The following DMD variants were observed in gnomAD, a reference collection of about 807,000 sequenced individuals.
The protein encoded by DMD is dystrophin, also known as mutant dystrophin.
In DMD, 63 loss-of-function variants were observed where a neutral mutation model predicts 330.1. That is an observed-to-expected ratio of 0.19 (90% CI 0.16 to 0.24). The LOEUF is 0.24. Ranked by LOEUF, DMD falls within the 10% of genes least tolerant of loss-of-function variation. The probability of loss-of-function intolerance (pLI) is 1.00; values close to 1 mark genes in which losing one functional copy is unlikely to be tolerated. For missense variants in DMD, 3,344 were observed against 2,684.1 expected (o/e 1.25, Z -5.43); for synonymous variants, 1,223 against 959.8 (o/e 1.27, Z -5.07).
At chrX:31,371,901 G>C (rs973123259) in intron 60 of DMD, among the ~76,000 whole-genome samples, 7 of 112,349 alleles carry the variant, frequency 6.2e-5, no homozygotes, top group African/African-American at 1.9e-4. Context: ...TCTCAACTGA[G>C]AGCCACTGGG....
chrX:31,352,408 G>A (rs762916166), intron 60 of DMD, among the ~76,000 whole-genome samples: 84 of 111,129 alleles, frequency 7.6e-4, no homozygotes, highest in Non-Finnish European at 1.2e-3. Flanking sequence ...TGCACATACT[G>A]AGAAAGAAAT....
intron 45 of DMD, among the ~76,000 whole-genome samples, chrX:31,966,861 C>T (rs78041024): frequency 9.1e-6 from 1 of 110,491 alleles, no homozygotes; most frequent in Non-Finnish European, 1.9e-5. Flanking sequence ...TATTCAAATA[C>T]TATATGAGTA....
In DMD at chrX:31,875,300, T is replaced by C; in HGVS notation, c.6986A>G (p.Lys2329Arg). ...QIKDLGQLEK[K>R]LEDLEEQLNH... Reference sequence around the variant, plus strand: ...TAACTGCTCTTCAAGGTCTTCAAGCTTTTTTTCAAGCTGCCCAAGGTCTTT... The same window carrying C: ...TAACTGCTCTTCAAGGTCTTCAAGCCTTTTTTCAAGCTGCCCAAGGTCTTT... Residue 2329 changes from lysine to arginine, a missense_variant, in exon 48 of 79, where the codon AAG becomes AGG. Coordinates refer to ENST00000357033, the MANE Select transcript of DMD (RefSeq NM_004006.3). 1 of 1,207,318 alleles carries C rather than the reference T, an allele frequency of 8.3e-7. No individual in the cohort carries two copies. Among genetic ancestry groups the C allele is most frequent in the South Asian group, 1.8e-5 (1 of 56,439 alleles).
At chrX:32,052,844 T>C (rs950700440) in intron 44 of DMD, among the ~76,000 whole-genome samples, 1 of 111,394 alleles carries the variant, frequency 9.0e-6, no homozygotes, top group African/African-American at 3.3e-5. Context: ...GGAGATGAAC[T>C]GTAATTGTCA....
intron 67 of DMD, among the ~76,000 whole-genome samples, chrX:31,200,769 A>G (rs1282960993): frequency 9.0e-6 from 1 of 111,487 alleles, no homozygotes; most frequent in African/African-American, 3.3e-5. Context: ...GACCAATGAA[A>G]AGGACTGGAG....
intron 44 of DMD, among the ~76,000 whole-genome samples, chrX:32,021,467 GGGAGCT>G (rs1214502329): frequency 8.9e-6 from 1 of 111,802 alleles, no homozygotes; most frequent in Admixed American, 9.5e-5. Context: ...GGGTAACATA[GGGAGCT>G]TCTCCCAAAA....
intron 7 of DMD, among the ~76,000 whole-genome samples, chrX:32,718,002 T>C (rs747367876): frequency 6.3e-5 from 7 of 111,822 alleles, no homozygotes; most frequent in Non-Finnish European, 1.3e-4. Context: ...ATTTTGATTT[T>C]ACAGGATCAT....
chrX:32,626,798 A>G (rs1356715432), intron 11 of DMD, among the ~76,000 whole-genome samples: 1 of 104,030 alleles, frequency 9.6e-6, no homozygotes, highest in Non-Finnish European at 1.9e-5. Flanking sequence ...CATCCTAGAA[A>G]TTAAAGTATA....
intron 12 of DMD, among the ~76,000 whole-genome samples, chrX:32,608,276 T>C (rs1036545118): frequency 4.5e-5 from 5 of 110,497 alleles, no homozygotes; most frequent in African/African-American, 1.6e-4. Flanking sequence ...ATAGAATTCT[T>C]ATGGGATATT....
intron 60 of DMD, among the ~76,000 whole-genome samples, chrX:31,441,919 A>C (rs17340777): frequency 0.08 from 8,924 of 111,658 alleles, 323 homozygotes; most frequent in East Asian, 0.23. Context: ...GCAAACCAAA[A>C]CCTTGGATTT....
intron 30 of DMD, among the ~76,000 whole-genome samples, chrX:32,406,786 A>T (rs1268494269): frequency 9.0e-6 from 1 of 111,549 alleles, no homozygotes; most frequent in Non-Finnish European, 1.9e-5. Flanking sequence ...GATATAGATC[A>T]ATGGAACAGA....
chrX:32,055,916 G>A (rs2096168304), intron 44 of DMD, among the ~76,000 whole-genome samples: 1 of 110,955 alleles, frequency 9.0e-6, no homozygotes. Context: ...ATCTAACAAA[G>A]AAATCTTTCT....
intron 39 of DMD, among the ~76,000 whole-genome samples, chrX:32,344,958 G>A (rs1427744691): frequency 9.0e-6 from 1 of 111,382 alleles, no homozygotes. Flanking sequence ...ACACCTGCTG[G>A]CCAATTAGAC....
intron 57 of DMD, among the ~76,000 whole-genome samples, chrX:31,491,666 T>A (rs1258384439): frequency 1.8e-5 from 2 of 111,540 alleles, no homozygotes; most frequent in African/African-American, 6.5e-5. Flanking sequence ...ACAGATCTAC[T>A]CCCATGGGTG....
At chrX:33,010,201 T>TATGTGTGTATATATGTAC (rs1557208472) in intron 2 of DMD, among the ~76,000 whole-genome samples, 1 of 93,798 alleles carries the variant, frequency 1.1e-5, no homozygotes, top group Non-Finnish European at 2.0e-5. Flanking sequence ...TATATATGCA[T>TATGTGTGTATATATGTAC]ATGTGTGTGT....
intron 30 of DMD, among the ~76,000 whole-genome samples, chrX:32,400,385 T>G (rs1308541539): frequency 9.0e-6 from 1 of 111,525 alleles, no homozygotes; most frequent in African/African-American, 3.3e-5. Context: ...GATTTTTTCA[T>G]CAATGTTCAT....
chrX:32,879,036 CAAA>C (rs1285039476), intron 2 of DMD, among the ~76,000 whole-genome samples: 5 of 90,551 alleles, frequency 5.5e-5, no homozygotes, highest in East Asian at 3.8e-4. Flanking sequence ...AAAAAACAAA[CAAA>C]AAAAAAACAA....
At chrX:31,143,843 C>G (rs953495235) in intron 76 of DMD, among the ~76,000 whole-genome samples, 1 of 111,729 alleles carries the variant, frequency 9.0e-6, no homozygotes, top group Non-Finnish European at 1.9e-5. Flanking sequence ...GCTTTACTTA[C>G]TTAAAAAAGG....
Position 31,323,634 on chromosome X carries a change from C to G in DMD, c.9188G>C (p.Arg3063Thr). ...LSTSVQGPWE[R>T]AISPNKVPYY... ...GGGCACTTTGTTTGGCGAGATGGCT[C>G]TCTCCCAGGGACCCTGGACAGACGC... is the stretch of plus-strand genomic sequence containing the variant. The change falls in exon 62 of 79, where the codon AGA (arginine) becomes ACA (threonine). Residue 3063 changes from arginine (R) to threonine (T), a missense_variant. Physicochemically the swap from Arg to Thr is moderately conservative, Grantham distance 71 (BLOSUM62 -1). Coordinates refer to ENST00000357033, the MANE Select transcript of DMD (RefSeq NM_004006.3). 1.7e-6 allele frequency: 2 copies of G among 1,210,559 alleles called. No individual in the cohort carries two copies. Among genetic ancestry groups the G allele is most frequent in the Non-Finnish European group, 2.2e-6 (2 of 894,803 alleles).
Sources: allele counts gnomAD v4.1 joint callset (sites outside exome capture counted in the v4.1 genomes callset), GRCh38; gene constraint gnomAD v4.1.1; transcripts MANE v1.5; gene names NCBI Gene and HGNC (gene_info 2026-07-23, HGNC 2026-07-21).